PCDHGB4: variants seen among roughly 807,000 people sequenced by gnomAD.
The protein encoded by PCDHGB4 is protocadherin gamma-B4.
PCDHGB4 carries 38 observed loss-of-function variants against 60.5 expected under a neutral mutation model. The observed-to-expected ratio is 0.63, with a 90% confidence interval of 0.48 to 0.82. The LOEUF (loss-of-function observed/expected upper bound fraction) is 0.82, where lower values mean the gene tolerates loss of function less well. PCDHGB4 is among the 40% of genes least tolerant of loss of function. The pLI is 0.00. For missense variants in PCDHGB4, 1,109 were observed against 1,209.6 expected, an observed-to-expected ratio of 0.92 and a Z score of 1.23; for synonymous variants, 456 against 509.7, an observed-to-expected ratio of 0.89 and a Z score of 1.42.
rs113212669 is a variant in PCDHGB4 at position 141,465,048 on chromosome 5, A to T, written c.2398-29759A>T. 2.4e-3 allele frequency among the ~76,000 whole-genome samples: 362 copies of T among 151,344 alleles called. 4 individuals are homozygous for T. Among genetic ancestry groups the T allele is most frequent in the African/African-American group, 8.4e-3 (346 of 41,268 alleles). On this transcript the variant is annotated intron_variant, in intron 1 of 3. Transcript: ENST00000519479. ...TGAACCACCACAAATGACCCTATAT[A>T]TTTTTTTGAATTGTCTGTTCATGTC...
At chr5:141,507,443 G>A (rs2099860678) in intron 3 of PCDHGB4, among the ~76,000 whole-genome samples, 2 of 152,200 alleles carry the variant, frequency 1.3e-5, no homozygotes. Flanking sequence ...TACAGCTGAC[G>A]GAAGGACAGA....
chr5:141,394,741 T>G (rs767167411), intron 1 of PCDHGB4: 5 of 1,613,414 alleles, frequency 3.1e-6, no homozygotes, highest in Non-Finnish European at 4.2e-6. Context: ...CAGAGCCTCG[T>G]GGTGGCCGTC....
chr5:141,388,941 C>G lies in PCDHGB4; in HGVS notation c.1057C>G (p.Leu353Val). Residue 353 changes from leucine (L) to valine (V), a missense_variant, in exon 1 of 4, where the codon CTA becomes GTA. Around this residue, in one of 2 missense-constraint regions of PCDHGB4, gnomAD observed 1,068 missense variants for 1,089.9 expected, o/e 0.98. Transcript: ENST00000519479. ...AGTGATATTCCAGTCTCTACCCAACCTAATTATGGAGGACGCCGAGCTGGG... is the reference window on the plus strand; with the variant it reads ...AGTGATATTCCAGTCTCTACCCAACGTAATTATGGAGGACGCCGAGCTGGG... ...PEVIFQSLPN[L>V]IMEDAELGTH... 6.2e-7 allele frequency: 1 copy of G among 1,613,962 alleles called. No homozygotes were observed. The highest frequency in any genetic ancestry group is 1.1e-5 in the South Asian group (1 of 91,080).
Position 141,476,036 on chromosome 5 carries a change from A to T in PCDHGB4, c.2398-18771A>T. ...ATGTCGGACTCGGCGCCCAGCGCCC[A>T]AGCGCTAACCCGCTGAAAGTTTCTC... On this transcript the variant is annotated intron_variant, in intron 1 of 3. Coordinates refer to ENST00000519479, the MANE Select transcript of PCDHGB4 (RefSeq NM_003736.4). This position sits in a 1 kb window ranked among gnomAD's most constrained non-coding sequence, Gnocchi z 7.6. 1.4e-6 allele frequency: 2 copies of T among 1,471,164 alleles called. No individual in the cohort carries two copies. The highest frequency in any genetic ancestry group is 1.8e-6 in the Non-Finnish European group (2 of 1,106,602). 91.1% of individuals were successfully genotyped at this position (1,471,164 alleles called of 1,614,324 possible).
chr5:141,501,374 T>A (rs2099808767), intron 2 of PCDHGB4, among the ~76,000 whole-genome samples: 1 of 151,106 alleles, frequency 6.6e-6, no homozygotes. Context: ...CATCATCTCT[T>A]AAATCCTAGG....
rs528779386 is a variant in PCDHGB4, at chr5:141,509,416, C to T, written c.2546-1531C>T. Among the ~76,000 whole-genome samples, 4 of 152,258 alleles carry T rather than the reference C, an allele frequency of 2.6e-5. No individual in the cohort carries two copies. In the East Asian group the frequency reaches 7.7e-4, roughly 29 times the overall value. ...TCTCAGGGCCTCCAGCAGCGAGCCCCAATGAGTCAAACTCTTGTTTCCTCC... is the reference window on the plus strand; with the variant it reads ...TCTCAGGGCCTCCAGCAGCGAGCCCTAATGAGTCAAACTCTTGTTTCCTCC... On this transcript the variant is annotated intron_variant, in intron 3 of 3. Transcript: ENST00000519479.
Position 141,491,498 on chromosome 5 carries a change from C to T in PCDHGB4, c.2398-3309C>T, listed in dbSNP as rs975297143. 2 of 1,614,102 alleles carry T rather than the reference C, an allele frequency of 1.2e-6. No homozygotes were observed. Among genetic ancestry groups the T allele is most frequent in the Non-Finnish European group, 1.7e-6 (2 of 1,180,018 alleles). ...TCCAGCCCCAACCTGCAGGTGAGCT[C>T]GGACGGCACGCTCAAGTACATGGAG... On this transcript the variant is annotated intron_variant, in intron 1 of 3. Transcript: ENST00000519479. The surrounding 1 kb of genome is among the most constrained non-coding windows in gnomAD (Gnocchi z 6.9).
intron 1 of PCDHGB4, chr5:141,405,052 C>G (rs182635391): frequency 4.3e-6 from 7 of 1,613,836 alleles, no homozygotes; most frequent in Non-Finnish European, 5.9e-6. Context: ...TGGCAGTCGT[C>G]TCCTGTGTCT....
chr5:141,472,068 G>C (rs1050927364), intron 1 of PCDHGB4, among the ~76,000 whole-genome samples: 7 of 151,974 alleles, frequency 4.6e-5, no homozygotes, highest in Non-Finnish European at 8.8e-5. Context: ...CATGTCTGTG[G>C]TTATATCAAT....
At position 141,512,350 on chromosome 5, in the gene PCDHGB4, G is replaced by C. The variant is rs1406428686; in HGVS notation, c.*1177G>C. ...CCATTCTTAGTCCCTGGGTTGGGGA[G>C]GCAGGGAGCTAGGGCAGGGACCAAA... is the stretch of plus-strand genomic sequence containing the variant. On this transcript the variant is annotated 3_prime_UTR_variant, in exon 4 of 4. Transcript: ENST00000519479. The C allele has an allele frequency of 6.5e-6, 1 of 152,906 alleles. No homozygotes were observed. The highest frequency in any genetic ancestry group is 1.9e-4 in the East Asian group (1 of 5,208). 9.5% of individuals were successfully genotyped at this position (152,906 alleles called of 1,614,324 possible).
chr5:141,465,312 A>G (rs2099100692), intron 1 of PCDHGB4, among the ~76,000 whole-genome samples: 1 of 152,314 alleles, frequency 6.6e-6, no homozygotes, highest in South Asian at 2.1e-4. Flanking sequence ...GAATTTAGCC[A>G]TGTCAATGCA....
In PCDHGB4 at chr5:141,485,441, A is replaced by G. The variant is rs1562105312; in HGVS notation, c.2398-9366A>G. ...CGGAGCCCTGCTCATCAAGAACCCA[A>G]TCGACCGAGAGGCACTGTGTGGGCT... On this transcript the variant is annotated intron_variant, in intron 1 of 3. Transcript: ENST00000519479. The surrounding 1 kb of genome is among the most constrained non-coding windows in gnomAD (Gnocchi z 5.7). 3 of 1,613,910 alleles carry G rather than the reference A, an allele frequency of 1.9e-6. No homozygotes were observed. Among genetic ancestry groups the G allele is most frequent in the South Asian group, 1.1e-5 (1 of 91,062 alleles).
chr5:141,442,457 T>G (rs1209684998), intron 1 of PCDHGB4: 1 of 152,268 alleles, frequency 6.6e-6, no homozygotes, highest in African/African-American at 2.4e-5. Context: ...AATAGCAGTT[T>G]CACTGCAGAA....
Position 141,489,160 on chromosome 5 carries a change from C to A in PCDHGB4, c.2398-5647C>A. 1 of 1,029,962 alleles carries A rather than the reference C, an allele frequency of 9.7e-7. No individual in the cohort carries two copies. The highest frequency in any genetic ancestry group is 1.4e-6 in the Non-Finnish European group (1 of 701,366). 63.8% of individuals were successfully genotyped at this position (1,029,962 alleles called of 1,614,324 possible). ...GGCTGGAAGGAGACATAAGAGACTT[C>A]AGCTGCTGCATTCCAAGCCCTGGGT... On this transcript the variant is annotated intron_variant, in intron 1 of 3. Coordinates refer to ENST00000519479, the MANE Select transcript of PCDHGB4 (RefSeq NM_003736.4). The surrounding 1 kb of genome is among the most constrained non-coding windows in gnomAD (Gnocchi z 4.5).
chr5:141,423,358 G>T (rs202010010), intron 1 of PCDHGB4: 1 of 1,614,196 alleles, frequency 6.2e-7, no homozygotes, highest in South Asian at 1.1e-5. Flanking sequence ...CTTTGTCATC[G>T]TGCTGCTGGC....
At chr5:141,420,064 C>T (rs1204112062) in intron 1 of PCDHGB4, 1 of 1,614,052 alleles carries the variant, frequency 6.2e-7, no homozygotes, top group Non-Finnish European at 8.5e-7. Context: ...GCTCCAAGTC[C>T]GGACCTGTGG....
At position 141,486,383 on chromosome 5, in the gene PCDHGB4, C is replaced by A. The variant is rs757384186; in HGVS notation, c.2398-8424C>A. On this transcript the variant is annotated intron_variant, in intron 1 of 3. Transcript: ENST00000519479. The surrounding 1 kb of genome is among the most constrained non-coding windows in gnomAD (Gnocchi z 5.0). ...TGCCCTCAAGTCTGCCTTCAGGAAC[C>A]AGTTCTCCCTGGTGACTGCTGGACC... The A allele has an allele frequency of 6.2e-7, 1 of 1,614,040 alleles. No homozygotes were observed. Among genetic ancestry groups the A allele is most frequent in the East Asian group, 2.2e-5 (1 of 44,884 alleles).
At chr5:141,407,956 A>G (rs2095008608) in intron 1 of PCDHGB4, 1 of 645,868 alleles carries the variant, frequency 1.5e-6, no homozygotes, top group African/African-American at 1.8e-5. Flanking sequence ...CGGCCAGTGC[A>G]GAGCAAGCGC....
chr5:141,432,863 T>C lies in PCDHGB4; in HGVS notation c.2397+42582T>C, dbSNP rs762979829. On this transcript the variant is annotated intron_variant, in intron 1 of 3. Coordinates refer to ENST00000519479, the MANE Select transcript of PCDHGB4 (RefSeq NM_003736.4). This position sits in a 1 kb window ranked among gnomAD's most constrained non-coding sequence, Gnocchi z 6.0. ...GGTGGTAGCGGTGGCCGCGGTCTCCTGCGTCTTCCTGGCCTTCGTCATCTT... is the reference window on the plus strand; with the variant it reads ...GGTGGTAGCGGTGGCCGCGGTCTCCCGCGTCTTCCTGGCCTTCGTCATCTT... 20 of 1,614,192 alleles carry C rather than the reference T, an allele frequency of 1.2e-5. No individual in the cohort carries two copies. Among genetic ancestry groups the C allele is most frequent in the Admixed American group, 6.7e-5 (4 of 60,032 alleles).
Sources: gnomAD v4.1 joint callset for allele counts (sites outside exome capture counted in the v4.1 genomes callset) on GRCh38, gnomAD v4.1.1 for gene constraint, gnomAD v4.1.1 regional missense constraint, Gnocchi (gnomAD v3.1) non-coding constraint, MANE v1.5 for transcripts, NCBI Gene and HGNC (gene_info 2026-07-23, HGNC 2026-07-21) for gene names.